COL19A1: variants seen among roughly 807,000 people sequenced by gnomAD.
COL19A1 encodes collagen type XIX alpha 1 chain, also known as collagen alpha-1(XIX) chain.
A neutral mutation model predicts 190.2 loss-of-function variants in COL19A1; 159 were observed. That is an observed-to-expected ratio of 0.84 (90% confidence interval 0.73 to 0.95). The LOEUF is 0.95. Ranked by LOEUF, COL19A1 falls within the 40% of genes least tolerant of loss-of-function variation. The probability of loss-of-function intolerance (pLI) is 0.00; values close to 1 mark genes in which losing one functional copy is unlikely to be tolerated. For synonymous variants in COL19A1, 509 were observed against 458.9 expected, an observed-to-expected ratio of 1.11 and a Z score of -1.39; for missense variants, 1,418 against 1,431.9, an observed-to-expected ratio of 0.99 and a Z score of 0.16.
intron 14 of COL19A1, among the ~76,000 whole-genome samples, chr6:70,038,053 A>G (rs1200442863): frequency 6.6e-6 from 1 of 152,228 alleles, no homozygotes; most frequent in Admixed American, 6.5e-5. Context: ...ATGAATACCA[A>G]CTTACAATAC....
chr6:70,159,458 T>C (rs781022124), intron 34 of COL19A1, among the ~76,000 whole-genome samples: 41 of 151,640 alleles, frequency 2.7e-4, no homozygotes, highest in Non-Finnish European at 3.8e-4. Context: ...GCCAATGAGA[T>C]TGATAAAATT....
chr6:69,960,680 A>AG (rs1259110766), intron 10 of COL19A1, among the ~76,000 whole-genome samples: 2 of 130,672 alleles, frequency 1.5e-5, no homozygotes, highest in Admixed American at 1.9e-4. Flanking sequence ...CCCAGGCTGG[A>AG]GTGCAGTGGC....
chr6:70,172,015 A>G lies in COL19A1; in HGVS notation c.2620A>G (p.Lys874Glu), dbSNP rs767103945. Reference protein sequence around the residue: ...LPGLEGFPGVKGDRGPAGPPG... With the variant: ...LPGLEGFPGVEGDRGPAGPPG... The stretch of plus-strand genomic sequence containing the variant: ...AGGATTAGAAGGATTTCCAGGTGTA[A>G]AGGTAAGCACAGAAGTTAGAAATGT... The change falls in exon 41 of 51, where the codon AAG (lysine) becomes GAG (glutamate). Residue 874 changes from lysine (K) to glutamate (E), a missense_variant and splice_region_variant. Lys to Glu is a moderately conservative substitution (Grantham distance 56). Coordinates refer to ENST00000620364, the MANE Select transcript of COL19A1 (RefSeq NM_001858.6). 6.2e-7 allele frequency: 1 copy of G among 1,611,108 alleles called. No homozygotes were observed. Among genetic ancestry groups the G allele is most frequent in the Admixed American group, 1.7e-5 (1 of 59,376 alleles).
chr6:70,171,087 T>C (rs1291952612), intron 40 of COL19A1, among the ~76,000 whole-genome samples: 1 of 152,212 alleles, frequency 6.6e-6, no homozygotes, highest in Non-Finnish European at 1.5e-5. Flanking sequence ...TGCATGCAGC[T>C]CAGGAAAGCT....
At chr6:70,058,954 G>A (rs191960000) in intron 14 of COL19A1, among the ~76,000 whole-genome samples, 84 of 152,006 alleles carry the variant, frequency 5.5e-4, no homozygotes, top group African/African-American at 2.0e-3. Flanking sequence ...GAAAGTGCAC[G>A]TATAAAACAA....
At chr6:70,043,562 G>C (rs1399589534) in intron 14 of COL19A1, among the ~76,000 whole-genome samples, 1 of 152,214 alleles carries the variant, frequency 6.6e-6, no homozygotes. Context: ...CTGAAGAATG[G>C]ATATTGTGTT....
intron 10 of COL19A1, among the ~76,000 whole-genome samples, chr6:69,961,940 G>A (rs1774824357): frequency 6.6e-6 from 1 of 152,040 alleles, no homozygotes. Flanking sequence ...ACCTTGTTGA[G>A]GCATTACAGA....
At chr6:69,867,932 G>A (rs2298017) in intron 1 of COL19A1, among the ~76,000 whole-genome samples, 104,016 of 151,610 alleles carry the variant, frequency 0.69, 35,645 homozygotes, top group Middle Eastern at 0.75. Flanking sequence ...GGAAGAGTAA[G>A]GGAAATAAAT....
chr6:70,148,423 T>C (rs1426010351), intron 27 of COL19A1, among the ~76,000 whole-genome samples: 1 of 152,096 alleles, frequency 6.6e-6, no homozygotes, highest in Non-Finnish European at 1.5e-5. Flanking sequence ...TTACGAGGGT[T>C]TTAGGAGCTC....
At chr6:70,061,109 G>A (rs546659698) in intron 14 of COL19A1, among the ~76,000 whole-genome samples, 84 of 152,172 alleles carry the variant, frequency 5.5e-4, no homozygotes, top group African/African-American at 1.9e-3. Flanking sequence ...TTACTAAACG[G>A]GAGGAACAGT....
At chr6:70,084,705 T>C (rs1300245341) in intron 15 of COL19A1, among the ~76,000 whole-genome samples, 4 of 152,200 alleles carry the variant, frequency 2.6e-5, no homozygotes, top group African/African-American at 9.6e-5. Flanking sequence ...TGGGTAGAGA[T>C]GCTCCCTCTG....
chr6:70,175,485 G>A (rs897825531), intron 41 of COL19A1, among the ~76,000 whole-genome samples: 1 of 151,900 alleles, frequency 6.6e-6, no homozygotes, highest in Admixed American at 6.6e-5. Context: ...GTAAAGAGAA[G>A]AAGCAAACTT....
chr6:70,029,991 T>C (rs949456168), intron 12 of COL19A1, among the ~76,000 whole-genome samples: 1 of 152,152 alleles, frequency 6.6e-6, no homozygotes, highest in Non-Finnish European at 1.5e-5. Flanking sequence ...TAGGAAAGCT[T>C]ACCCAACTTA....
intron 31 of COL19A1, among the ~76,000 whole-genome samples, chr6:70,152,649 T>A (rs1338581468): frequency 6.6e-6 from 1 of 152,096 alleles, no homozygotes; most frequent in African/African-American, 2.4e-5. Flanking sequence ...CTGTTGCGCA[T>A]TCCCACTCTA....
chr6:70,069,536 G>C (rs1410327496), intron 15 of COL19A1, among the ~76,000 whole-genome samples: 1 of 152,114 alleles, frequency 6.6e-6, no homozygotes, highest in Non-Finnish European at 1.5e-5. Flanking sequence ...GAGTTGTCGA[G>C]AATGAGACTG....
chr6:70,196,044 T>C (rs141757741), intron 48 of COL19A1, among the ~76,000 whole-genome samples: 9 of 152,288 alleles, frequency 5.9e-5, no homozygotes, highest in Non-Finnish European at 7.4e-5. Context: ...GGCAAATGAT[T>C]GAGACAGAGA....
At chr6:70,174,578 A>T (rs898885760) in intron 41 of COL19A1, among the ~76,000 whole-genome samples, 1 of 152,140 alleles carries the variant, frequency 6.6e-6, no homozygotes, top group Admixed American at 6.5e-5. Flanking sequence ...AAAACAAAAA[A>T]AACAGGACTA....
chr6:70,057,581 T>C (rs1429281863), intron 14 of COL19A1, among the ~76,000 whole-genome samples: 1 of 152,086 alleles, frequency 6.6e-6, no homozygotes, highest in Non-Finnish European at 1.5e-5. Context: ...GTATAGATAC[T>C]TTAATCTCTT....
intron 2 of COL19A1, among the ~76,000 whole-genome samples, chr6:69,898,721 C>T (rs937877236): frequency 1.4e-4 from 21 of 152,166 alleles, no homozygotes; most frequent in African/African-American, 4.8e-4. Flanking sequence ...ATGGCTAACA[C>T]TAACAAGTAT....
Sources: allele counts gnomAD v4.1 joint callset (sites outside exome capture counted in the v4.1 genomes callset), GRCh38; gene constraint gnomAD v4.1.1; transcripts MANE v1.5; gene names NCBI Gene and HGNC (gene_info 2026-07-23, HGNC 2026-07-21).